CTNNA2: variants seen among roughly 807,000 people sequenced by gnomAD.
CTNNA2 encodes the protein catenin alpha-2.
In CTNNA2, 42 loss-of-function variants were observed where a neutral mutation model predicts 101.0. That is an observed-to-expected ratio of 0.42 (90% CI 0.32 to 0.54). CTNNA2 has a LOEUF of 0.54. Among genes scored for constraint, CTNNA2 ranks in the 20% least tolerant of loss-of-function variants. The probability of loss-of-function intolerance (pLI) is 0.14; values close to 1 mark genes in which losing one functional copy is unlikely to be tolerated. For missense variants in CTNNA2, 871 were observed against 1,223.1 expected (o/e 0.71, Z 4.29); for synonymous variants, 450 against 456.4 (o/e 0.99, Z 0.18).
At chr2:79,197,338 G>A (rs1338711679) in intron 1 of CTNNA2, among the ~76,000 whole-genome samples, 1 of 151,904 alleles carries the variant, frequency 6.6e-6, no homozygotes, top group Admixed American at 6.6e-5. Context: ...CTAACAAAAG[G>A]TGTAGCATCT....
intron 6 of CTNNA2, among the ~76,000 whole-genome samples, chr2:79,891,305 T>C (rs927688401): frequency 6.6e-6 from 1 of 152,178 alleles, no homozygotes; most frequent in Admixed American, 6.5e-5. Context: ...ACATGGCTAA[T>C]CTTCTCAGGT....
intron 13 of CTNNA2, among the ~76,000 whole-genome samples, chr2:80,581,187 A>G (rs1195884762): frequency 2.0e-5 from 3 of 152,214 alleles, no homozygotes; most frequent in African/African-American, 7.2e-5. Context: ...AAGATAGTTT[A>G]TTTATGAGCA....
intron 7 of CTNNA2, among the ~76,000 whole-genome samples, chr2:80,044,831 A>G (rs933201919): frequency 6.6e-6 from 1 of 152,168 alleles, no homozygotes; most frequent in African/African-American, 2.4e-5. Flanking sequence ...CACATGTATG[A>G]ATGAGATCAG....
At chr2:80,348,964 A>G (rs1459809079) in intron 7 of CTNNA2, among the ~76,000 whole-genome samples, 1 of 152,162 alleles carries the variant, frequency 6.6e-6, no homozygotes, top group Non-Finnish European at 1.5e-5. Flanking sequence ...AAGTACTACT[A>G]TCAGAAATAC....
chr2:79,342,652 T>A (rs1677163572), intron 3 of CTNNA2, among the ~76,000 whole-genome samples: 1 of 152,212 alleles, frequency 6.6e-6, no homozygotes, highest in African/African-American at 2.4e-5. Context: ...ACACTACTCA[T>A]AATTAAACAT....
chr2:80,118,109 G>GT (rs141100427), intron 7 of CTNNA2, among the ~76,000 whole-genome samples: 2,390 of 152,096 alleles, frequency 0.016, 45 homozygotes, highest in African/African-American at 0.051. Context: ...AATGTGGTTT[G>GT]TTTTTTTATC....
At chr2:79,708,605 A>C (rs1396442460) in intron 2 of CTNNA2, among the ~76,000 whole-genome samples, 1 of 152,194 alleles carries the variant, frequency 6.6e-6, no homozygotes, top group Admixed American at 6.5e-5. Context: ...ATACCTTTAC[A>C]TACTATATTA....
chr2:79,285,219 A>G (rs1415296885), intron 2 of CTNNA2, among the ~76,000 whole-genome samples: 38 of 150,226 alleles, frequency 2.5e-4, no homozygotes, highest in African/African-American at 8.5e-4. Context: ...TGGATTCATT[A>G]ATTTTTTGAA....
intron 3 of CTNNA2, among the ~76,000 whole-genome samples, chr2:79,789,589 T>C (rs7587785): frequency 0.18 from 27,369 of 152,014 alleles, 4,363 homozygotes; most frequent in African/African-American, 0.41. Flanking sequence ...CCAGGAATCA[T>C]AATTAGCGCT....
intron 9 of CTNNA2, among the ~76,000 whole-genome samples, chr2:80,452,793 A>G (rs911967265): frequency 2.0e-5 from 3 of 151,604 alleles, no homozygotes; most frequent in Admixed American, 6.6e-5. Flanking sequence ...GCTGAAATTA[A>G]TGAACCTTGG....
At chr2:80,503,711 G>T (rs545143393) in intron 9 of CTNNA2, among the ~76,000 whole-genome samples, 5 of 152,066 alleles carry the variant, frequency 3.3e-5, no homozygotes, top group Non-Finnish European at 1.5e-5. Flanking sequence ...GGAATGTCCC[G>T]TAAAAAAGGG....
At chr2:80,621,881 G>T (rs1472163046) in intron 18 of CTNNA2, among the ~76,000 whole-genome samples, 7 of 151,864 alleles carry the variant, frequency 4.6e-5, no homozygotes, top group African/African-American at 1.7e-4. Flanking sequence ...AAATATCCCT[G>T]TGGCCTGGGT....
At chr2:80,193,417 T>G (rs1706649244) in intron 7 of CTNNA2, among the ~76,000 whole-genome samples, 1 of 152,220 alleles carries the variant, frequency 6.6e-6, no homozygotes, top group Non-Finnish European at 1.5e-5. Flanking sequence ...AAAATGTGTC[T>G]TTTATTGAGC....
chr2:79,202,058 T>C (rs1031206480), intron 2 of CTNNA2, among the ~76,000 whole-genome samples: 3 of 152,158 alleles, frequency 2.0e-5, no homozygotes, highest in Admixed American at 1.3e-4. Flanking sequence ...ATCTTTTGAG[T>C]CCTTGATCAG....
Position 80,020,779 on chromosome 2 carries a change from A to G in CTNNA2, c.1056+110982A>G, listed in dbSNP as rs75483415. On this transcript the variant is annotated intron_variant, in intron 7 of 18. Coordinates refer to ENST00000402739, the MANE Select transcript of CTNNA2 (RefSeq NM_001282597.3). ...GCATATCCCACCAATTACTGCATGCACAATTAATCTACTGGCAAAAAAAAA... is the reference window on the plus strand; with the variant it reads ...GCATATCCCACCAATTACTGCATGCGCAATTAATCTACTGGCAAAAAAAAA... Among the ~76,000 whole-genome samples the G allele has an allele frequency of 7.5e-3, 1,135 of 152,186 alleles. 13 individuals are homozygous for G. Among genetic ancestry groups the G allele is most frequent in the African/African-American group, 0.025 (1,028 of 41,520 alleles).
chr2:79,280,384 T>C (rs989418762), intron 2 of CTNNA2, among the ~76,000 whole-genome samples: 4 of 152,098 alleles, frequency 2.6e-5, no homozygotes, highest in African/African-American at 9.7e-5. Flanking sequence ...CCTTGACTGC[T>C]GTCTGCCCAA....
intron 2 of CTNNA2, among the ~76,000 whole-genome samples, chr2:79,276,352 G>GT (rs1376199062): frequency 2.0e-5 from 3 of 151,938 alleles, no homozygotes; most frequent in Non-Finnish European, 4.4e-5. Context: ...TAATGTTATG[G>GT]TTTTGTCGAC....
At position 80,419,430 on chromosome 2, in the gene CTNNA2, G is replaced by C. The variant is rs1321332076; in HGVS notation, c.1138-19G>C. On this transcript the variant is annotated intron_variant, in intron 8 of 18. Transcript: ENST00000402739. ...ATTTCTTAATTGTATGTCATTTTTT[G>C]TTTTTGTTTCAACTGTAGCTTCGGA... 1 of 1,577,582 alleles carries C rather than the reference G, an allele frequency of 6.3e-7. No individual in the cohort carries two copies. The highest frequency in any genetic ancestry group is 1.2e-5 in the South Asian group (1 of 86,404).
intron 4 of CTNNA2, among the ~76,000 whole-genome samples, chr2:79,504,477 A>T (rs1671369522): frequency 6.6e-6 from 1 of 152,024 alleles, no homozygotes; most frequent in African/African-American, 2.4e-5. Context: ...TTTAGTAGAG[A>T]CGGGCTTTCA....
Sources: allele counts gnomAD v4.1 joint callset (sites outside exome capture counted in the v4.1 genomes callset), GRCh38; gene constraint gnomAD v4.1.1; transcripts MANE v1.5; gene names NCBI Gene and HGNC (gene_info 2026-07-23, HGNC 2026-07-21).